The following MDGA2 variants were observed in gnomAD, a reference collection of about 807,000 sequenced individuals.
MDGA2 encodes MAM domain containing glycosylphosphatidylinositol anchor 2, also known as MAM domain-containing glycosylphosphatidylinositol anchor protein 2.
In MDGA2, 40 loss-of-function variants were observed where a neutral mutation model predicts 117.8. The ratio of observed to expected loss-of-function variants is 0.34; its 90% CI spans 0.26 to 0.44. The LOEUF is 0.44. Ranked by LOEUF, MDGA2 falls within the 20% of genes least tolerant of loss-of-function variation. MDGA2 has a pLI of 1.00. For missense variants in MDGA2, 1,123 were observed against 1,250.6 expected (o/e 0.90, Z 1.54); for synonymous variants, 452 against 439.0 (o/e 1.03, Z -0.37).
At chr14:47,651,245 TGTGTGTA>T (rs765094466) in intron 1 of MDGA2, among the ~76,000 whole-genome samples, 8 of 151,192 alleles carry the variant, frequency 5.3e-5, no homozygotes, top group Admixed American at 2.0e-4. Flanking sequence ...TGTGTGTGTG[TGTGTGTA>T]TACCCATAAA....
In MDGA2 at chr14:47,205,744, A is replaced by T. The variant is rs146097751; in HGVS notation, c.595+12277T>A. Among the ~76,000 whole-genome samples the T allele has an allele frequency of 1.1e-4, 17 of 152,126 alleles. No homozygotes were observed. In the East Asian group the frequency reaches 3.1e-3, roughly 28 times the overall value. On this transcript the variant is annotated intron_variant, in intron 3 of 16. Coordinates refer to ENST00000399232, the MANE Select transcript of MDGA2 (RefSeq NM_001113498.3). ...ATTTTGCAAGTCTGAGAGCTAACAC[A>T]AGGAGAAATGGAACCGTGATCTTCT...
intron 10 of MDGA2, among the ~76,000 whole-genome samples, chr14:46,908,875 C>T (rs1189679674): frequency 1.3e-5 from 2 of 152,136 alleles, no homozygotes; most frequent in African/African-American, 4.8e-5. Flanking sequence ...TATAAGTCCA[C>T]TTTCCATCAA....
chr14:46,878,943 T>C (rs1322972182), intron 11 of MDGA2, among the ~76,000 whole-genome samples: 5 of 152,126 alleles, frequency 3.3e-5, no homozygotes, highest in Admixed American at 1.3e-4. Context: ...CTATACATAA[T>C]GCAGTTAACT....
chr14:47,356,072 A>T (rs1307492027), intron 1 of MDGA2, among the ~76,000 whole-genome samples: 3 of 152,238 alleles, frequency 2.0e-5, no homozygotes, highest in African/African-American at 7.2e-5. Context: ...GGCCTGGCCA[A>T]ATGCTTCTAG....
chr14:46,914,135 T>G (rs1297517044), intron 10 of MDGA2, among the ~76,000 whole-genome samples: 5 of 152,136 alleles, frequency 3.3e-5, no homozygotes, highest in African/African-American at 1.2e-4. Context: ...TAAAATGATG[T>G]TTACGTTGCT....
chr14:47,234,997 T>G (rs916024128), intron 2 of MDGA2, among the ~76,000 whole-genome samples: 1 of 152,150 alleles, frequency 6.6e-6, no homozygotes, highest in African/African-American at 2.4e-5. Flanking sequence ...ATAATTAGAG[T>G]ATGTTGAAAT....
chr14:46,960,960 A>G (rs866196189), intron 8 of MDGA2, among the ~76,000 whole-genome samples: 31 of 150,870 alleles, frequency 2.1e-4, no homozygotes, highest in Middle Eastern at 3.5e-3. Flanking sequence ...ACACACACAC[A>G]CACACACACA....
intron 1 of MDGA2, among the ~76,000 whole-genome samples, chr14:47,550,213 C>G (rs1331797355): frequency 6.6e-6 from 1 of 152,150 alleles, no homozygotes; most frequent in East Asian, 1.9e-4. Context: ...TTCATATACT[C>G]TAGTAAAGTT....
At chr14:47,523,713 T>C (rs1300741529) in intron 1 of MDGA2, among the ~76,000 whole-genome samples, 2 of 152,134 alleles carry the variant, frequency 1.3e-5, no homozygotes, top group Admixed American at 1.3e-4. Context: ...TGCCTATATG[T>C]GAGCCTATAG....
At chr14:47,221,038 TG>T (rs1886279915) in intron 2 of MDGA2, among the ~76,000 whole-genome samples, 1 of 152,180 alleles carries the variant, frequency 6.6e-6, no homozygotes, top group African/African-American at 2.4e-5. Context: ...CATATTGTGG[TG>T]GGCAGTTAAT....
At chr14:47,401,973 G>A (rs1305567007) in intron 1 of MDGA2, among the ~76,000 whole-genome samples, 1 of 152,118 alleles carries the variant, frequency 6.6e-6, no homozygotes, top group African/African-American at 2.4e-5. Context: ...TTTAGGACAT[G>A]GGATCTAAAA....
intron 1 of MDGA2, among the ~76,000 whole-genome samples, chr14:47,314,187 A>G (rs1434607967): frequency 6.6e-6 from 1 of 152,156 alleles, no homozygotes; most frequent in Non-Finnish European, 1.5e-5. Flanking sequence ...TGTAAAGCTG[A>G]TTAATAATTT....
Position 47,532,869 on chromosome 14 carries a change from T to G in MDGA2, c.280+141648A>C, listed in dbSNP as rs575254762. ...GCCTCAAACAATGTTATCAGTGATC[T>G]GATTTTGCTATGCTTTCCTGTTCTT... On this transcript the variant is annotated intron_variant, in intron 1 of 16. Coordinates refer to ENST00000399232, the MANE Select transcript of MDGA2 (RefSeq NM_001113498.3). Among the ~76,000 whole-genome samples, 6 of 152,354 alleles carry G rather than the reference T, an allele frequency of 3.9e-5. No individual in the cohort carries two copies. The East Asian group carries it at 1.2e-3, about 29-fold the overall frequency.
Position 47,089,485 on chromosome 14 carries a change from C to T in MDGA2, c.1195+7369G>A, listed in dbSNP as rs545390684. Among the ~76,000 whole-genome samples, 364 of 152,232 alleles carry T rather than the reference C, an allele frequency of 2.4e-3. 3 individuals are homozygous for T. Among genetic ancestry groups the T allele is most frequent in the African/African-American group, 8.2e-3 (341 of 41,560 alleles). ...CCACCTCCTGGGTTCAAGCAATTCT[C>T]CTGCCTCAGCCCCCTGAGTAGTTGG... On this transcript the variant is annotated intron_variant, in intron 6 of 16. Coordinates refer to ENST00000399232, the MANE Select transcript of MDGA2 (RefSeq NM_001113498.3).
chr14:47,430,127 T>C (rs1049748923), intron 1 of MDGA2, among the ~76,000 whole-genome samples: 1 of 151,512 alleles, frequency 6.6e-6, no homozygotes, highest in Non-Finnish European at 1.5e-5. Flanking sequence ...TCTGCACCCT[T>C]TGGATTTGAT....
At chr14:47,163,481 G>A (rs531938906) in intron 3 of MDGA2, among the ~76,000 whole-genome samples, 1 of 151,966 alleles carries the variant, frequency 6.6e-6, no homozygotes. Context: ...AGATCCGGTG[G>A]TTTTAAAAGT....
intron 3 of MDGA2, among the ~76,000 whole-genome samples, chr14:47,211,441 A>G (rs28522975): frequency 0.15 from 22,517 of 152,094 alleles, 2,049 homozygotes; most frequent in East Asian, 0.31. Context: ...CTTAATTTTC[A>G]TAGGAACAAT....
intron 1 of MDGA2, among the ~76,000 whole-genome samples, chr14:47,509,843 C>A (rs962980725): frequency 6.6e-6 from 1 of 152,174 alleles, no homozygotes; most frequent in Admixed American, 6.5e-5. Flanking sequence ...CACAGCTTGA[C>A]AGCAATTTGC....
intron 10 of MDGA2, among the ~76,000 whole-genome samples, chr14:46,896,201 A>G (rs1232472753): frequency 4.6e-5 from 7 of 152,156 alleles, no homozygotes; most frequent in African/African-American, 1.4e-4. Flanking sequence ...GAGAATGTTG[A>G]TATATAAATT....
Sources: gnomAD v4.1 joint callset for allele counts (sites outside exome capture counted in the v4.1 genomes callset) on GRCh38, gnomAD v4.1.1 for gene constraint, MANE v1.5 for transcripts, NCBI Gene and HGNC (gene_info 2026-07-23, HGNC 2026-07-21) for gene names.